The following TLK1 variants were observed in gnomAD, a reference collection of about 807,000 sequenced individuals.
TLK1 encodes the protein serine/threonine-protein kinase tousled-like 1.
In TLK1, 24 loss-of-function variants were observed where a neutral mutation model predicts 105.3. The observed-to-expected ratio is 0.23, with a 90% CI of 0.17 to 0.32. TLK1 has a LOEUF of 0.32. TLK1 is among the 10% of genes least tolerant of loss of function. The probability of loss-of-function intolerance (pLI) is 1.00; values close to 1 mark genes in which losing one functional copy is unlikely to be tolerated. For synonymous variants in TLK1, 321 were observed against 310.4 expected, an observed-to-expected ratio of 1.03 and a Z score of -0.36; for missense variants, 558 against 910.5, an observed-to-expected ratio of 0.61 and a Z score of 4.98.
chr2:171,029,367 C>A (rs918861993), intron 11 of TLK1, among the ~76,000 whole-genome samples: 1 of 152,296 alleles, frequency 6.6e-6, no homozygotes, highest in Non-Finnish European at 1.5e-5. Flanking sequence ...CAGTGGCTCA[C>A]GCCTGTAATC....
chr2:171,177,156 T>G (rs1442215128), intron 1 of TLK1, among the ~76,000 whole-genome samples: 2 of 148,558 alleles, frequency 1.3e-5, no homozygotes, highest in Non-Finnish European at 3.0e-5. Context: ...TTCTTTTCTT[T>G]TTTGAGACAG....
At position 171,055,115 on chromosome 2, in the gene TLK1, G is replaced by T; in HGVS notation, c.607C>A (p.Gln203Lys). 1 of 1,488,050 alleles carries T rather than the reference G, an allele frequency of 6.7e-7. No individual in the cohort carries two copies. The highest frequency in any genetic ancestry group is 1.5e-5 in the South Asian group (1 of 67,798). The allele number at this position is 1,488,050 out of a possible 1,614,324, so 92.2% of individuals were successfully genotyped here. Residue 203 changes from glutamine to lysine, a missense_variant, in exon 7 of 21, where the codon CAA becomes AAA. Physicochemically the swap from Gln to Lys is moderately conservative, Grantham distance 53 (BLOSUM62 1). Coordinates refer to ENST00000431350, the MANE Select transcript of TLK1 (RefSeq NM_012290.5). The stretch of plus-strand genomic sequence containing the variant: ...ATTTTAAAGGATAATTGCTTTGGTT[G>T]TACAATAGGGTGGTCCCCAAATGCT... Reference protein sequence around the residue: ...ALAFGDHPIVQPKQLSFKIIQ... With the variant: ...ALAFGDHPIVKPKQLSFKIIQ...
intron 1 of TLK1, among the ~76,000 whole-genome samples, chr2:171,127,285 A>G (rs894567962): frequency 6.9e-6 from 1 of 143,956 alleles, no homozygotes; most frequent in Admixed American, 6.9e-5. Context: ...CTCAAAAAAA[A>G]AAAAAAAAGA....
At chr2:171,177,897 G>A (rs899573985) in intron 1 of TLK1, among the ~76,000 whole-genome samples, 2 of 151,980 alleles carry the variant, frequency 1.3e-5, no homozygotes, top group Non-Finnish European at 2.9e-5. Context: ...GGGTTTAAGC[G>A]ATTCTCCTAC....
chr2:171,080,509 C>T (rs1433667256), intron 3 of TLK1, among the ~76,000 whole-genome samples: 1 of 148,514 alleles, frequency 6.7e-6, no homozygotes, highest in Non-Finnish European at 1.5e-5. Flanking sequence ...AATCATTTTC[C>T]AGATAAGCAA....
Position 171,079,623 on chromosome 2 carries a change from C to A in TLK1, c.330+3158G>T, listed in dbSNP as rs1181677993. ...AAAACAATACCTTCTTACCTACCATCTTCTTTTATTTACGAGAGGAAAAAC... is the reference window on the plus strand; with the variant it reads ...AAAACAATACCTTCTTACCTACCATATTCTTTTATTTACGAGAGGAAAAAC... On this transcript the variant is annotated intron_variant, in intron 3 of 20. Transcript: ENST00000431350. Among the ~76,000 whole-genome samples the A allele has an allele frequency of 2.6e-5, 4 of 152,186 alleles. No individual in the cohort carries two copies. The East Asian group carries it at 7.7e-4, about 29-fold the overall frequency.
In TLK1 at chr2:171,123,233, GT is replaced by G. The variant is rs372153939; in HGVS notation, c.140-5377del. Among the ~76,000 whole-genome samples, 95 of 152,164 alleles carry G rather than the reference GT, an allele frequency of 6.2e-4. 2 individuals are homozygous for G. In the South Asian group the frequency reaches 0.019, roughly 31 times the overall value. On this transcript the variant is annotated intron_variant, in intron 1 of 20. Transcript: ENST00000431350. ...TTGTTTTGAGACGGAGTCTTGCTCT[GT>G]TGCCCAGCCTGAAGTGCAGTGGCAC...
At chr2:171,165,683 C>A (rs13406472), upstream of TLK1, among the ~76,000 whole-genome samples, 1 of 152,140 alleles carries the variant, frequency 6.6e-6, no homozygotes, top group Non-Finnish European at 1.5e-5. Flanking sequence ...GAGGCCGAGG[C>A]GGGTGGATCA....
At chr2:171,058,476 GACAA>G (rs748686877) in intron 4 of TLK1, among the ~76,000 whole-genome samples, 3 of 152,184 alleles carry the variant, frequency 2.0e-5, no homozygotes, top group African/African-American at 4.8e-5. Context: ...CTGCATCACT[GACAA>G]ACTAACCTTT....
chr2:171,116,212 T>A (rs911850236), intron 2 of TLK1, among the ~76,000 whole-genome samples: 5 of 152,018 alleles, frequency 3.3e-5, no homozygotes, highest in African/African-American at 1.2e-4. Context: ...ACAGAGACCA[T>A]GAACAAAGTA....
rs1158165359 is a variant in TLK1, at chr2:171,160,220, G to T, written c.139+70C>A. On this transcript the variant is annotated intron_variant, in intron 1 of 20. Coordinates refer to ENST00000431350, the MANE Select transcript of TLK1 (RefSeq NM_012290.5). The surrounding 1 kb of genome is among the most constrained non-coding windows in gnomAD (Gnocchi z 4.4). ...AGAAGCCCCGGGGCGGGGGGGGCGG[G>T]GGGGGGGCGCGGGGGTCCGCGGCGC... is the stretch of plus-strand genomic sequence containing the variant. The T allele has an allele frequency of 7.8e-7, 1 of 1,276,380 alleles. No homozygotes were observed. Among genetic ancestry groups the T allele is most frequent in the East Asian group, 3.2e-5 (1 of 30,902 alleles). The allele number at this position is 1,276,380 out of a possible 1,614,324, so 79.1% of individuals were successfully genotyped here. A position where few individuals can be genotyped will look rare whatever the true frequency, so the allele number is the denominator to read the frequency against.
chr2:171,168,401 C>T (rs1692649491), intron 1 of TLK1, among the ~76,000 whole-genome samples: 1 of 152,112 alleles, frequency 6.6e-6, no homozygotes, highest in Non-Finnish European at 1.5e-5. Flanking sequence ...AATAAACAGT[C>T]AAAATGCCAC....
Position 170,993,781 on chromosome 2 carries a change from C to T in TLK1, c.2300G>A (p.Ter767=). 6.4e-7 allele frequency: 1 copy of T among 1,563,130 alleles called. No homozygotes were observed. The highest frequency in any genetic ancestry group is 8.7e-7 in the Non-Finnish European group (1 of 1,154,470). ...TATCATGCCAATCTTGGAGGAAAGT[C>T]AGTAAGTAATTATGCTTGAAGAAGG... The part of the protein sequence containing the change: ...TPPSSSIITY[*] The change falls in exon 21 of 21, where the codon TGA becomes TAA. Residue 767 remains the stop codon, a stop_retained_variant. Transcript: ENST00000431350.
chr2:171,028,197 T>A, intron 12 of TLK1, 142 bp downstream of exon 12: 1 of 650,676 alleles, frequency 1.5e-6, no homozygotes, highest in Non-Finnish European at 2.7e-6. Flanking sequence ...GTAACTTTAA[T>A]GCATCTCTTT....
At chr2:171,198,586 G>T (rs748774891) in intron 1 of TLK1, among the ~76,000 whole-genome samples, 10 of 152,226 alleles carry the variant, frequency 6.6e-5, no homozygotes, top group Non-Finnish European at 1.3e-4. Context: ...CAGGTTGTAA[G>T]AGCAGCTGGG....
At chr2:171,106,734 C>G (rs967706685) in intron 2 of TLK1, among the ~76,000 whole-genome samples, 1 of 152,142 alleles carries the variant, frequency 6.6e-6, no homozygotes, top group African/African-American at 2.4e-5. Context: ...ATTTGCCTAC[C>G]TATTAATACT....
chr2:171,024,016 G>C (rs1400841126), intron 12 of TLK1, among the ~76,000 whole-genome samples: 1 of 152,088 alleles, frequency 6.6e-6, no homozygotes, highest in Admixed American at 6.6e-5. Flanking sequence ...AGATAAAATA[G>C]GATCATTTAG....
intron 1 of TLK1, among the ~76,000 whole-genome samples, chr2:171,133,200 A>T (rs1168652366): frequency 6.6e-6 from 1 of 152,220 alleles, no homozygotes; most frequent in Non-Finnish European, 1.5e-5. Flanking sequence ...GAGGGGAAAC[A>T]TGGGGACATG....
intron 1 of TLK1, among the ~76,000 whole-genome samples, chr2:171,176,127 A>G (rs914543727): frequency 6.6e-6 from 1 of 151,990 alleles, no homozygotes; most frequent in Non-Finnish European, 1.5e-5. Context: ...TTTAGTAGAC[A>G]CAGGGTTTCT....
Sources: allele counts gnomAD v4.1 joint callset (sites outside exome capture counted in the v4.1 genomes callset), GRCh38; gene constraint gnomAD v4.1.1; non-coding constraint Gnocchi (gnomAD v3.1); transcripts MANE v1.5; gene names NCBI Gene and HGNC (gene_info 2026-07-23, HGNC 2026-07-21).